PLXNC1: variants seen among roughly 807,000 people sequenced by gnomAD.
The protein encoded by PLXNC1 is plexin C1.
Under a neutral mutation model 178.2 loss-of-function variants are expected in PLXNC1, and 75 were observed. The ratio of observed to expected loss-of-function variants is 0.42; its 90% CI spans 0.35 to 0.51. The LOEUF is 0.51. Among genes scored for constraint, PLXNC1 ranks in the 20% least tolerant of loss-of-function variants. The pLI, the probability that PLXNC1 is intolerant of heterozygous loss-of-function variation, is 0.02. For missense variants in PLXNC1, 1,503 were observed against 1,984.4 expected, an observed-to-expected ratio of 0.76 and a Z score of 4.61; for synonymous variants, 790 against 779.9, an observed-to-expected ratio of 1.01 and a Z score of -0.22.
At chr12:94,234,602 A>G (rs12317931) in intron 9 of PLXNC1, among the ~76,000 whole-genome samples, 4,868 of 152,308 alleles carry the variant, frequency 0.032, 128 homozygotes, top group African/African-American at 0.066. Context: ...GCTGGACAAC[A>G]TAGGGCTGTG....
chr12:94,290,782 T>A (rs1967234295), intron 23 of PLXNC1, among the ~76,000 whole-genome samples: 1 of 152,184 alleles, frequency 6.6e-6, no homozygotes, highest in Non-Finnish European at 1.5e-5. Flanking sequence ...GAAGGCAAGG[T>A]CCAAATTAAT....
chr12:94,191,072 A>C (rs1226350543), intron 4 of PLXNC1, among the ~76,000 whole-genome samples: 1 of 152,250 alleles, frequency 6.6e-6, no homozygotes, highest in African/African-American at 2.4e-5. Context: ...ACATAAGTTA[A>C]ATGAATGAGA....
intron 12 of PLXNC1, among the ~76,000 whole-genome samples, chr12:94,245,404 G>T (rs1160697096): frequency 6.6e-6 from 1 of 152,184 alleles, no homozygotes; most frequent in Non-Finnish European, 1.5e-5. Context: ...GTTGAGGCTG[G>T]GTGTGGTGGC....
At chr12:94,248,152 A>G (rs1387936572) in intron 13 of PLXNC1, 46 bp downstream of exon 13, 5 of 1,599,292 alleles carry the variant, frequency 3.1e-6, no homozygotes, top group Non-Finnish European at 3.4e-6. Context: ...CGACCCCTTG[A>G]CTGGAAAGGT....
intron 21 of PLXNC1, chr12:94,278,061 C>G (rs528447137): frequency 8.8e-6 from 4 of 456,042 alleles, no homozygotes; most frequent in African/African-American, 4.0e-5. Context: ...TGGAGCCCCC[C>G]CTCCCTCTGT....
At chr12:94,195,722 A>G (rs1319376648) in intron 4 of PLXNC1, among the ~76,000 whole-genome samples, 1 of 152,232 alleles carries the variant, frequency 6.6e-6, no homozygotes, top group Non-Finnish European at 1.5e-5. Flanking sequence ...CTTCAGCTGC[A>G]GTTAGGCTGT....
chr12:94,212,645 G>A (rs1963516232), intron 5 of PLXNC1, among the ~76,000 whole-genome samples: 1 of 152,070 alleles, frequency 6.6e-6, no homozygotes, highest in Non-Finnish European at 1.5e-5. Context: ...TCCCTGCAAA[G>A]GACATGAACT....
chr12:94,303,732 C>CTT (rs201354613), intron 28 of PLXNC1, 24 bp from the exon 29 acceptor site: 3,003 of 840,062 alleles, frequency 3.6e-3, no homozygotes, highest in South Asian at 9.0e-3. Flanking sequence ...GTGATGGTTG[C>CTT]TTTTTTTTTT....
In PLXNC1 at chr12:94,220,121, C is replaced by A. The variant is rs146510015; in HGVS notation, c.1660C>A (p.Arg554=). The change falls in exon 6 of 31, where the codon CGG becomes AGG. Residue 554 remains arginine, a synonymous_variant. Transcript: ENST00000258526. ...ELCQNKSQPN[R]TCTCSIPTRA... ...CTGCCAGAATAAAAGTCAGCCCAACCGGACCTGCACCTGTAGCATCCCAAC... is the reference window on the plus strand; with the variant it reads ...CTGCCAGAATAAAAGTCAGCCCAACAGGACCTGCACCTGTAGCATCCCAAC... 6.2e-7 allele frequency: 1 copy of A among 1,613,838 alleles called. No homozygotes were observed. The highest frequency in any genetic ancestry group is 1.3e-5 in the African/African-American group (1 of 74,862).
chr12:94,297,145 T>G lies in PLXNC1; in HGVS notation c.3935-44T>G, dbSNP rs1218470517. 4 of 1,609,710 alleles carry G rather than the reference T, an allele frequency of 2.5e-6. No individual in the cohort carries two copies. The African/African-American group carries it at 5.4e-5, about 22-fold the overall frequency. ...GAAGGCCGATTAGCCCATGGTTGCT[T>G]TTTTTAATGGACTGCTTTCTCTCCC... On this transcript the variant is annotated intron_variant, in intron 24 of 30. Coordinates refer to ENST00000258526, the MANE Select transcript of PLXNC1 (RefSeq NM_005761.3).
chr12:94,252,185 C>T (rs1347427382), intron 15 of PLXNC1, among the ~76,000 whole-genome samples: 2 of 152,118 alleles, frequency 1.3e-5, no homozygotes, highest in Admixed American at 1.3e-4. Flanking sequence ...GCTCCCAGGA[C>T]TTGGTTATTT....
At chr12:94,238,075 G>T (rs1166993867) in intron 10 of PLXNC1, among the ~76,000 whole-genome samples, 3 of 152,240 alleles carry the variant, frequency 2.0e-5, no homozygotes, top group Middle Eastern at 6.8e-3. Context: ...TTGGGGTCTT[G>T]ATTCATTTTC....
intron 6 of PLXNC1, among the ~76,000 whole-genome samples, chr12:94,223,242 C>T (rs148983864): frequency 4.6e-5 from 7 of 152,230 alleles, no homozygotes; most frequent in African/African-American, 7.2e-5. Flanking sequence ...GGTGAAACCC[C>T]GTCTCAACTA....
chr12:94,260,958 A>G lies in PLXNC1; in HGVS notation c.3450+118A>G. ...TGCTCGATGGTGTCAGCACTTAACC[A>G]TGTTTCGTCTTGGTCCTGACCCAGA... On this transcript the variant is annotated intron_variant, in intron 20 of 30. Coordinates refer to ENST00000258526, the MANE Select transcript of PLXNC1 (RefSeq NM_005761.3). This position sits in a 1 kb window ranked among gnomAD's most constrained non-coding sequence, Gnocchi z 4.4. 6.9e-6 allele frequency: 6 copies of G among 867,040 alleles called. No homozygotes were observed. Among genetic ancestry groups the G allele is most frequent in the South Asian group, 1.5e-5 (1 of 68,932 alleles). 53.7% of individuals were successfully genotyped at this position (867,040 alleles called of 1,614,324 possible). A position where few individuals can be genotyped will look rare whatever the true frequency, so the allele number is the denominator to read the frequency against.
intron 20 of PLXNC1, among the ~76,000 whole-genome samples, chr12:94,264,658 C>G (rs1228350398): frequency 6.6e-6 from 1 of 152,216 alleles, no homozygotes; most frequent in Non-Finnish European, 1.5e-5. Flanking sequence ...ACTAAGGATA[C>G]TTGTGCATTT....
At position 94,151,706 on chromosome 12, in the gene PLXNC1, G is replaced by T. The variant is rs1397292641; in HGVS notation, c.1062+1673G>T. 2.0e-5 allele frequency among the ~76,000 whole-genome samples: 3 copies of T among 152,218 alleles called. No homozygotes were observed. The East Asian group carries it at 5.8e-4, about 29-fold the overall frequency. ...GAGGCCCACAGCAGGTAATGAGGGT[G>T]AAAGTCCAAGCTTTGCCATCTGACA... On this transcript the variant is annotated intron_variant, in intron 1 of 30. Transcript: ENST00000258526.
At chr12:94,212,216 G>T (rs1331123836) in intron 5 of PLXNC1, among the ~76,000 whole-genome samples, 1 of 136,894 alleles carries the variant, frequency 7.3e-6, no homozygotes, top group Non-Finnish European at 1.5e-5. Context: ...GGAGCTTGCA[G>T]TGAGCCGAGA....
Position 94,305,539 on chromosome 12 carries a change from AG to A in PLXNC1, c.*255del, listed in dbSNP as rs1283972879. On this transcript the variant is annotated 3_prime_UTR_variant, in exon 31 of 31. Coordinates refer to ENST00000258526, the MANE Select transcript of PLXNC1 (RefSeq NM_005761.3). ...TTGCAAACAGCCTCCTTGTTTACAG[AG>A]AATACAAGGCCAGTAAGCGAATGTC... 7 of 423,744 alleles carry A rather than the reference AG, an allele frequency of 1.7e-5. No homozygotes were observed. The highest frequency in any genetic ancestry group is 3.0e-5 in the Non-Finnish European group (7 of 234,968). 26.2% of individuals were successfully genotyped at this position (423,744 alleles called of 1,614,324 possible). A position where few individuals can be genotyped will look rare whatever the true frequency, so the allele number is the denominator to read the frequency against.
intron 2 of PLXNC1, chr12:94,176,288 T>A (rs1962046845): frequency 6.6e-6 from 1 of 152,236 alleles, no homozygotes. Context: ...TGTGTTGATA[T>A]TCTCCTGAAG....
Sources: allele counts gnomAD v4.1 joint callset (sites outside exome capture counted in the v4.1 genomes callset), GRCh38; gene constraint gnomAD v4.1.1; non-coding constraint Gnocchi (gnomAD v3.1); transcripts MANE v1.5; gene names NCBI Gene and HGNC (gene_info 2026-07-23, HGNC 2026-07-21).